ZNF638: variants seen among roughly 807,000 people sequenced by gnomAD.
ZNF638 encodes the protein zinc finger protein 638.
Under a neutral mutation model 195.6 loss-of-function variants are expected in ZNF638, and 46 were observed. That is an observed-to-expected ratio of 0.24 (90% CI 0.19 to 0.30). ZNF638 has a LOEUF of 0.30. ZNF638 is among the 10% of genes least tolerant of loss of function. The pLI, the probability that ZNF638 is intolerant of heterozygous loss-of-function variation, is 1.00. For missense variants in ZNF638, 2,440 were observed against 2,325.3 expected, an observed-to-expected ratio of 1.05 and a Z score of -1.01; for synonymous variants, 845 against 772.0, an observed-to-expected ratio of 1.09 and a Z score of -1.57.
chr2:71,371,909 G>A (rs1336788370), intron 8 of ZNF638, among the ~76,000 whole-genome samples: 1 of 152,078 alleles, frequency 6.6e-6, no homozygotes, highest in Non-Finnish European at 1.5e-5. Flanking sequence ...TTAACTTGAA[G>A]TGGTCCCATT....
At chr2:71,397,162 A>G (rs973358709) in intron 11 of ZNF638, among the ~76,000 whole-genome samples, 3 of 152,172 alleles carry the variant, frequency 2.0e-5, no homozygotes, top group Non-Finnish European at 4.4e-5. Context: ...TACCAAGTGT[A>G]TGGGAGTCAT....
At position 71,368,432 on chromosome 2, in the gene ZNF638, A is replaced by G. The variant is rs138204529; in HGVS notation, c.2046A>G (p.Glu682=). The G allele has an allele frequency of 6.2e-7, 1 of 1,613,458 alleles. No homozygotes were observed. The highest frequency in any genetic ancestry group is 8.5e-7 in the Non-Finnish European group (1 of 1,179,764). The change falls in exon 7 of 28, where the codon GAA becomes GAG. Residue 682 remains glutamate, a synonymous_variant. Coordinates refer to ENST00000264447, the MANE Select transcript of ZNF638 (RefSeq NM_014497.5). ...LHYGSVLLIT[E]LPEDGCTEED... ...ATGGTTCGGTTCTTCTTATAACTGA[A>G]TTACCAGAGGATGGTTGTACTGAAG...
At chr2:71,370,679 A>T (rs1005108309) in intron 8 of ZNF638, among the ~76,000 whole-genome samples, 1 of 152,058 alleles carries the variant, frequency 6.6e-6, no homozygotes. Flanking sequence ...TCTTAAAAAA[A>T]ATTATTGTAT....
At chr2:71,363,782 G>A (rs990213526) in intron 4 of ZNF638, among the ~76,000 whole-genome samples, 172 bp from the exon 5 acceptor site, 5 of 152,134 alleles carry the variant, frequency 3.3e-5, no homozygotes, top group African/African-American at 7.2e-5. Flanking sequence ...TCTTATTTAC[G>A]TATAAGGCTG....
At chr2:71,396,785 A>G (rs953892067) in intron 11 of ZNF638, among the ~76,000 whole-genome samples, 2 of 152,152 alleles carry the variant, frequency 1.3e-5, no homozygotes, top group African/African-American at 2.4e-5. Context: ...CTCTACTGAA[A>G]ATACAAAAAA....
In ZNF638 at chr2:71,349,343, A is replaced by T; in HGVS notation, c.389A>T (p.Lys130Ile). The T allele has an allele frequency of 6.2e-7, 1 of 1,614,180 alleles. No homozygotes were observed. Among genetic ancestry groups the T allele is most frequent in the Non-Finnish European group, 8.5e-7 (1 of 1,180,020 alleles). Reference protein sequence around the residue: ...SVTQVTEQSPKVQSRYTKESA... With the variant: ...SVTQVTEQSPIVQSRYTKESA... ...ACACAGGTTACAGAGCAGAGTCCCA[A>T]AGTACAGAGCCGCTATACAAAAGAG... The change falls in exon 2 of 28, where the codon AAA becomes ATA. Residue 130 changes from lysine (K) to isoleucine (I), a missense_variant. Lys to Ile is a moderately radical substitution (Grantham distance 102). This residue lies in a region of ZNF638 where 191 missense variants were observed against 173.8 expected (regional missense o/e 1.10). Transcript: ENST00000264447.
At chr2:71,373,083 C>T (rs1310652015) in intron 8 of ZNF638, among the ~76,000 whole-genome samples, 1 of 152,106 alleles carries the variant, frequency 6.6e-6, no homozygotes. Context: ...TATAAGATTG[C>T]TCACTAAATA....
At chr2:71,404,149 T>TCACC (rs2080058638) in intron 17 of ZNF638, 151 bp downstream of exon 17, 1 of 713,018 alleles carries the variant, frequency 1.4e-6, no homozygotes, top group African/African-American at 1.8e-5. Flanking sequence ...AATCACCCAG[T>TCACC]CACCCATCCC....
intron 27 of ZNF638, 72 bp downstream of exon 27, chr2:71,433,355 A>C: frequency 2.8e-6 from 3 of 1,090,812 alleles, no homozygotes; most frequent in Non-Finnish European, 4.2e-6. Flanking sequence ...TATCTCCCCA[A>C]ACGTACATTT....
At chr2:71,337,647 C>G (rs1015337772) in intron 1 of ZNF638, among the ~76,000 whole-genome samples, 12 of 152,160 alleles carry the variant, frequency 7.9e-5, no homozygotes, top group Admixed American at 5.2e-4. Context: ...CTCAAGCATT[C>G]CACCTGTCTC....
At chr2:71,336,736 A>G (rs1162666209) in intron 1 of ZNF638, among the ~76,000 whole-genome samples, 1 of 152,154 alleles carries the variant, frequency 6.6e-6, no homozygotes, top group Non-Finnish European at 1.5e-5. Context: ...GAGTTATTTC[A>G]CAGGATGAAA....
intron 21 of ZNF638, among the ~76,000 whole-genome samples, chr2:71,419,437 T>G (rs531019507): frequency 6.6e-6 from 1 of 152,350 alleles, no homozygotes; most frequent in East Asian, 1.9e-4. Flanking sequence ...TTTTATCTGA[T>G]GCACTGATGT....
Position 71,380,580 on chromosome 2 carries a change from T to A in ZNF638, c.2377+15T>A. 6.3e-7 allele frequency: 1 copy of A among 1,592,456 alleles called. No individual in the cohort carries two copies. Among genetic ancestry groups the A allele is most frequent in the Non-Finnish European group, 8.6e-7 (1 of 1,167,138 alleles). On this transcript the variant is annotated intron_variant, in intron 10 of 27. Transcript: ENST00000264447. ...AACTTCTGCTGGTAAGTTGTTACTTTTAATATTCTTTCAAATGAGTGTATC... is the reference window on the plus strand; with the variant it reads ...AACTTCTGCTGGTAAGTTGTTACTTATAATATTCTTTCAAATGAGTGTATC...
chr2:71,421,707 TTAA>T (rs2080436922), intron 21 of ZNF638, among the ~76,000 whole-genome samples: 2 of 152,206 alleles, frequency 1.3e-5, no homozygotes, highest in South Asian at 4.1e-4. Context: ...TCAGTACTTT[TTAA>T]TAATCAGGTA....
intron 10 of ZNF638, among the ~76,000 whole-genome samples, chr2:71,383,712 C>T (rs1432230650): frequency 3.4e-5 from 5 of 147,870 alleles, no homozygotes; most frequent in Admixed American, 6.7e-5. Context: ...GCTGGGATTA[C>T]GGGTATGCGA....
rs770168685 is a variant in ZNF638 at position 71,348,983 on chromosome 2, G to A, written c.29G>A (p.Gly10Glu). 10 of 1,614,008 alleles carry A rather than the reference G, an allele frequency of 6.2e-6. No individual in the cohort carries two copies. In the African/African-American group the frequency reaches 1.3e-4, roughly 22 times the overall value. ...TCGAGACCCAGGTTTAATCCTCGAGGAGACTTTCCACTTCAAAGGCCACGA... is the reference window on the plus strand; with the variant it reads ...TCGAGACCCAGGTTTAATCCTCGAGAAGACTTTCCACTTCAAAGGCCACGA... MSRPRFNPR[G>E]DFPLQRPRAP... Residue 10 changes from glycine (G) to glutamate (E), a missense_variant, in exon 2 of 28, where the codon GGA (glycine) becomes GAA (glutamate). Gly to Glu is a moderately conservative substitution (Grantham distance 98, BLOSUM62 -2). Coordinates refer to ENST00000264447, the MANE Select transcript of ZNF638 (RefSeq NM_014497.5).
intron 19 of ZNF638, 74 bp downstream of exon 19, chr2:71,406,336 C>T: frequency 1.5e-6 from 2 of 1,341,742 alleles, no homozygotes; most frequent in Non-Finnish European, 2.1e-6. Flanking sequence ...TGACAATCTG[C>T]AACTTCTGAT....
At chr2:71,395,160 C>A (rs2079866044) in intron 10 of ZNF638, 1 of 692,490 alleles carries the variant, frequency 1.4e-6, no homozygotes, top group Non-Finnish European at 2.7e-6. Context: ...GCAAGAACAT[C>A]TCTCCTGGAT....
At chr2:71,365,831 T>TGA in intron 6 of ZNF638, 125 bp downstream of exon 6, 3 of 937,576 alleles carry the variant, frequency 3.2e-6, no homozygotes, top group Non-Finnish European at 4.7e-6. Context: ...GTGATCCTCC[T>TGA]GCCTCATCTT....
Sources: gnomAD v4.1 joint callset for allele counts (sites outside exome capture counted in the v4.1 genomes callset) on GRCh38, gnomAD v4.1.1 for gene constraint, gnomAD v4.1.1 regional missense constraint, MANE v1.5 for transcripts, NCBI Gene and HGNC (gene_info 2026-07-23, HGNC 2026-07-21) for gene names.